Variants in CDC42BPA observed in about 807,000 individuals in gnomAD.
CDC42BPA encodes CDC42 binding protein kinase alpha, also known as serine/threonine-protein kinase MRCK alpha.
In CDC42BPA, 80 loss-of-function variants were observed where a neutral mutation model predicts 223.5. The observed-to-expected ratio is 0.36, with a 90% CI of 0.30 to 0.43. The LOEUF (loss-of-function observed/expected upper bound fraction) is 0.43. Ranked by LOEUF, CDC42BPA falls within the 20% of genes least tolerant of loss-of-function variation. The pLI is 1.00. For synonymous variants in CDC42BPA, 694 were observed against 718.6 expected, an observed-to-expected ratio of 0.97 and a Z score of 0.55; for missense variants, 1,743 against 2,099.9, an observed-to-expected ratio of 0.83 and a Z score of 3.32.
chr1:227,068,714 T>A, intron 21 of CDC42BPA: 1 of 1,113,058 alleles, frequency 9.0e-7, no homozygotes, highest in Non-Finnish European at 1.2e-6. Flanking sequence ...ATTTAACGAA[T>A]ACAGCAATAA....
chr1:227,136,008 G>A (rs1658493292), intron 10 of CDC42BPA, among the ~76,000 whole-genome samples: 3 of 151,418 alleles, frequency 2.0e-5, no homozygotes, highest in Admixed American at 2.0e-4. Flanking sequence ...TTTTATTCAT[G>A]ACATCTTTCA....
At chr1:227,279,013 T>A (rs58912997) in intron 1 of CDC42BPA, among the ~76,000 whole-genome samples, 8,554 of 152,176 alleles carry the variant, frequency 0.056, 793 homozygotes, top group African/African-American at 0.19. Context: ...CTAGCCTTTT[T>A]TTTTTTTAAG....
intron 2 of CDC42BPA, among the ~76,000 whole-genome samples, chr1:227,224,580 T>G (rs1343899675): frequency 6.6e-6 from 1 of 151,958 alleles, no homozygotes; most frequent in Non-Finnish European, 1.5e-5. Context: ...AACCTTATAT[T>G]CCAGTTAGAA....
At chr1:227,122,663 A>G (rs189726261) in intron 11 of CDC42BPA, among the ~76,000 whole-genome samples, 146 of 152,354 alleles carry the variant, frequency 9.6e-4, no homozygotes, top group Admixed American at 2.4e-3. Context: ...TGAGAAGTAA[A>G]AAATAATGTA....
intron 10 of CDC42BPA, among the ~76,000 whole-genome samples, chr1:227,138,912 C>T (rs767357509): frequency 1.3e-5 from 2 of 151,982 alleles, no homozygotes; most frequent in African/African-American, 2.4e-5. Context: ...CAGAGTTAAA[C>T]GGTGATAGAC....
intron 16 of CDC42BPA, among the ~76,000 whole-genome samples, chr1:227,083,761 G>A (rs1168446973): frequency 6.6e-6 from 1 of 152,166 alleles, no homozygotes; most frequent in Non-Finnish European, 1.5e-5. Flanking sequence ...GAAATACTTG[G>A]AGACTGGGTT....
At chr1:227,020,648 G>A (rs1353032534) in intron 32 of CDC42BPA, among the ~76,000 whole-genome samples, 1 of 152,162 alleles carries the variant, frequency 6.6e-6, no homozygotes, top group Non-Finnish European at 1.5e-5. Flanking sequence ...GAATGTTGCG[G>A]CTGACAGTCT....
chr1:227,296,110 CTT>C (rs1006295136), intron 1 of CDC42BPA, among the ~76,000 whole-genome samples: 13 of 152,224 alleles, frequency 8.5e-5, no homozygotes, highest in Non-Finnish European at 1.9e-4. Flanking sequence ...AATTTCAAAA[CTT>C]ACTACAAAAC....
At chr1:227,164,011 T>G (rs6426573) in intron 5 of CDC42BPA, among the ~76,000 whole-genome samples, 103,791 of 152,006 alleles carry the variant, frequency 0.68, 35,640 homozygotes, top group South Asian at 0.73. Flanking sequence ...TTTAGTGGGT[T>G]TGTTTCAGGA....
intron 21 of CDC42BPA, chr1:227,059,456 C>T: frequency 1.3e-6 from 2 of 1,484,038 alleles, no homozygotes; most frequent in Non-Finnish European, 1.8e-6. Flanking sequence ...AATATTTACA[C>T]ACATAAGACT....
At chr1:227,280,369 G>C (rs1414598106) in intron 1 of CDC42BPA, among the ~76,000 whole-genome samples, 1 of 152,180 alleles carries the variant, frequency 6.6e-6, no homozygotes, top group Non-Finnish European at 1.5e-5. Flanking sequence ...ACACCTAAGA[G>C]ATCTTCACAA....
chr1:227,147,989 T>C (rs1290197754), intron 6 of CDC42BPA, among the ~76,000 whole-genome samples: 1 of 151,864 alleles, frequency 6.6e-6, no homozygotes, highest in African/African-American at 2.4e-5. Flanking sequence ...AGCCTGGAGA[T>C]TATGTTCAAA....
chr1:227,153,593 G>A (rs1662183780), intron 6 of CDC42BPA, among the ~76,000 whole-genome samples: 1 of 151,944 alleles, frequency 6.6e-6, no homozygotes, highest in African/African-American at 2.4e-5. Context: ...AAACTAGGAA[G>A]AAGGTGGTCT....
chr1:227,141,567 A>C (rs1331755263), intron 9 of CDC42BPA, among the ~76,000 whole-genome samples: 4 of 152,170 alleles, frequency 2.6e-5, no homozygotes, highest in Non-Finnish European at 5.9e-5. Context: ...GAGCTTGTGG[A>C]AGTTGTCTGC....
intron 3 of CDC42BPA, 78 bp from the exon 4 acceptor site, chr1:227,199,730 A>G (rs1164818880): frequency 5.6e-6 from 4 of 716,772 alleles, no homozygotes; most frequent in African/African-American, 1.8e-5. Flanking sequence ...TATGTTTATT[A>G]TATTATTTCT....
intron 1 of CDC42BPA, among the ~76,000 whole-genome samples, chr1:227,283,827 T>C (rs1347698483): frequency 6.6e-6 from 1 of 152,208 alleles, no homozygotes; most frequent in Non-Finnish European, 1.5e-5. Flanking sequence ...TCTCAGCACT[T>C]TGGGAGGCCA....
intron 5 of CDC42BPA, among the ~76,000 whole-genome samples, chr1:227,181,504 C>G (rs550662862): frequency 6.6e-6 from 1 of 152,170 alleles, no homozygotes; most frequent in South Asian, 2.1e-4. Context: ...ATGGCTTTTT[C>G]CAAGAGATCT....
intron 12 of CDC42BPA, among the ~76,000 whole-genome samples, chr1:227,119,557 A>T (rs1688299626): frequency 2.0e-5 from 3 of 152,054 alleles, no homozygotes; most frequent in Admixed American, 2.0e-4. Flanking sequence ...CTTTTAATCT[A>T]GTCCTTTGAC....
Position 227,138,039 on chromosome 1 carries a change from A to G in CDC42BPA, c.1390+1537T>C, listed in dbSNP as rs1423899879. ...TATCACCACAGGAAAAAAAAGAAAC[A>G]GAAAAATTTCAGTCACAAAAGGGAA... On this transcript the variant is annotated intron_variant, in intron 10 of 36. Coordinates refer to ENST00000366766, the MANE Select transcript of CDC42BPA (RefSeq NM_001394014.1). 1.1e-4 allele frequency among the ~76,000 whole-genome samples: 16 copies of G among 152,274 alleles called. No individual in the cohort carries two copies. In the East Asian group the frequency reaches 3.1e-3, roughly 29 times the overall value.
Sources: gnomAD v4.1 joint callset for allele counts (sites outside exome capture counted in the v4.1 genomes callset) on GRCh38, gnomAD v4.1.1 for gene constraint, MANE v1.5 for transcripts, NCBI Gene and HGNC (gene_info 2026-07-23, HGNC 2026-07-21) for gene names.